Variants in MACROD2 observed in about 807,000 individuals in gnomAD.
MACROD2 encodes mono-ADP ribosylhydrolase 2.
In MACROD2, 36 loss-of-function variants were observed where a neutral mutation model predicts 70.4. The ratio of observed to expected loss-of-function variants is 0.51; its 90% confidence interval spans 0.39 to 0.68. MACROD2 has a LOEUF of 0.68. Ranked by LOEUF, MACROD2 falls within the 30% of genes least tolerant of loss-of-function variation. The pLI, the probability that MACROD2 is intolerant of heterozygous loss-of-function variation, is 0.00. For missense variants in MACROD2, 496 were observed against 538.4 expected (o/e 0.92, Z 0.78); for synonymous variants, 172 against 178.8 (o/e 0.96, Z 0.30).
intron 8 of MACROD2, among the ~76,000 whole-genome samples, chr20:15,586,274 G>T (rs1287386748): frequency 6.6e-6 from 1 of 152,092 alleles, no homozygotes; most frequent in Admixed American, 6.6e-5. Flanking sequence ...TCTGGTGTGG[G>T]GCCTTAGGAT....
At chr20:14,605,268 A>G (rs1239775629) in intron 4 of MACROD2, among the ~76,000 whole-genome samples, 1 of 152,126 alleles carries the variant, frequency 6.6e-6, no homozygotes, top group Non-Finnish European at 1.5e-5. Context: ...CCTTCTGAGA[A>G]CTGTGAGGGA....
intron 13 of MACROD2, among the ~76,000 whole-genome samples, chr20:15,968,587 C>A (rs1171471665): frequency 6.6e-6 from 1 of 151,428 alleles, no homozygotes; most frequent in Non-Finnish European, 1.5e-5. Context: ...TTTGAAATAA[C>A]CCTTCATAAT....
intron 8 of MACROD2, among the ~76,000 whole-genome samples, chr20:15,799,898 A>C (rs545314929): frequency 3.3e-5 from 5 of 152,218 alleles, no homozygotes; most frequent in Non-Finnish European, 7.3e-5. Context: ...AATAGTTTAT[A>C]AGAGTTCCCT....
intron 8 of MACROD2, among the ~76,000 whole-genome samples, chr20:15,525,081 T>C (rs1191653336): frequency 6.6e-6 from 1 of 152,222 alleles, no homozygotes; most frequent in Non-Finnish European, 1.5e-5. Context: ...GTCTTTCCAT[T>C]AGTCCAAAAA....
chr20:15,425,545 C>T (rs1234149067), intron 6 of MACROD2, among the ~76,000 whole-genome samples: 1 of 152,128 alleles, frequency 6.6e-6, no homozygotes, highest in Admixed American at 6.5e-5. Flanking sequence ...GGAAATCTAA[C>T]TAAAACTGAC....
At chr20:14,187,166 G>A (rs907475076) in intron 3 of MACROD2, among the ~76,000 whole-genome samples, 7 of 150,476 alleles carry the variant, frequency 4.7e-5, no homozygotes, top group African/African-American at 1.7e-4. Flanking sequence ...AAGAAATGTG[G>A]TAGATGTGTT....
intron 4 of MACROD2, among the ~76,000 whole-genome samples, chr20:14,585,704 A>G (rs1480548349): frequency 6.6e-6 from 1 of 152,170 alleles, no homozygotes; most frequent in Non-Finnish European, 1.5e-5. Context: ...AGGTGTTCCT[A>G]TACCAAAGAT....
At chr20:14,537,842 A>G (rs2085384905) in intron 4 of MACROD2, among the ~76,000 whole-genome samples, 1 of 152,170 alleles carries the variant, frequency 6.6e-6, no homozygotes, top group African/African-American at 2.4e-5. Flanking sequence ...TACTTTGCCC[A>G]TTTTAGACAG....
At chr20:15,456,223 C>T (rs756111197) in intron 7 of MACROD2, among the ~76,000 whole-genome samples, 9 of 152,162 alleles carry the variant, frequency 5.9e-5, no homozygotes, top group Non-Finnish European at 1.2e-4. Context: ...CATCCATGCC[C>T]CAGCCTCTAG....
chr20:15,391,730 T>C (rs1013433456), intron 6 of MACROD2, among the ~76,000 whole-genome samples: 8 of 152,202 alleles, frequency 5.3e-5, no homozygotes, highest in African/African-American at 1.7e-4. Flanking sequence ...TTGGAAACTA[T>C]GTAGAATTGT....
At chr20:14,426,145 T>C (rs1291282043) in intron 3 of MACROD2, among the ~76,000 whole-genome samples, 1 of 152,164 alleles carries the variant, frequency 6.6e-6, no homozygotes, top group Non-Finnish European at 1.5e-5. Context: ...ATTATATCAT[T>C]GATTTTACCA....
intron 5 of MACROD2, among the ~76,000 whole-genome samples, chr20:14,979,633 C>T (rs1160331374): frequency 6.6e-6 from 1 of 152,210 alleles, no homozygotes; most frequent in Non-Finnish European, 1.5e-5. Flanking sequence ...TGTGCTTCGA[C>T]ATAAATGTCA....
intron 4 of MACROD2, among the ~76,000 whole-genome samples, chr20:14,629,857 A>G (rs991997342): frequency 2.6e-5 from 4 of 152,142 alleles, no homozygotes; most frequent in African/African-American, 7.2e-5. Context: ...TTTCAACTCA[A>G]AAACACTGAG....
intron 2 of MACROD2, among the ~76,000 whole-genome samples, chr20:14,044,745 T>C (rs922000442): frequency 3.3e-5 from 5 of 152,184 alleles, no homozygotes; most frequent in Admixed American, 3.3e-4. Context: ...ACCACCAGAC[T>C]CAGGAGCCCC....
chr20:15,637,462 G>T (rs2049387831), intron 8 of MACROD2, among the ~76,000 whole-genome samples: 1 of 152,196 alleles, frequency 6.6e-6, no homozygotes, highest in Admixed American at 6.5e-5. Flanking sequence ...GAACCCAGGG[G>T]ACCCTGTGAC....
intron 3 of MACROD2, among the ~76,000 whole-genome samples, chr20:14,137,208 A>AT (rs1362567068): frequency 6.6e-6 from 1 of 151,126 alleles, no homozygotes; most frequent in African/African-American, 2.4e-5. Context: ...AGCCATACTG[A>AT]TAACATAAAC....
intron 2 of MACROD2, among the ~76,000 whole-genome samples, chr20:14,080,552 A>G (rs2053978266): frequency 6.6e-6 from 1 of 152,124 alleles, no homozygotes; most frequent in Non-Finnish European, 1.5e-5. Context: ...TATGTAAATA[A>G]CCAGGCCAAA....
At chr20:14,445,673 T>G (rs760869028) in intron 3 of MACROD2, among the ~76,000 whole-genome samples, 1 of 152,132 alleles carries the variant, frequency 6.6e-6, no homozygotes, top group Non-Finnish European at 1.5e-5. Flanking sequence ...AAAATGGCAT[T>G]TTCCTGTTTC....
intron 7 of MACROD2, among the ~76,000 whole-genome samples, chr20:15,481,763 T>G (rs2047101594): frequency 6.6e-6 from 1 of 151,664 alleles, no homozygotes; most frequent in African/African-American, 2.4e-5. Context: ...GCTACACAGG[T>G]GCTGAAGGAA....
Sources: allele counts gnomAD v4.1 joint callset (sites outside exome capture counted in the v4.1 genomes callset), GRCh38; gene constraint gnomAD v4.1.1; transcripts MANE v1.5; gene names NCBI Gene and HGNC (gene_info 2026-07-23, HGNC 2026-07-21).